The following IGSF11 variants were observed in gnomAD, a reference collection of about 807,000 sequenced individuals.
The protein encoded by IGSF11 is immunoglobulin superfamily member 11.
In IGSF11, 22 loss-of-function variants were observed where a neutral mutation model predicts 41.0. That is an observed-to-expected ratio of 0.54 (90% CI 0.38 to 0.77). The LOEUF (loss-of-function observed/expected upper bound fraction) is 0.77, where lower values mean the gene tolerates loss of function less well. Among genes scored for constraint, IGSF11 ranks in the 30% least tolerant of loss-of-function variants. The probability of loss-of-function intolerance (pLI) is 0.00; values close to 1 mark genes in which losing one functional copy is unlikely to be tolerated. For missense variants in IGSF11, 444 were observed against 530.8 expected, an observed-to-expected ratio of 0.84 and a Z score of 1.61; for synonymous variants, 219 against 201.3, an observed-to-expected ratio of 1.09 and a Z score of -0.74.
intron 1 of IGSF11, among the ~76,000 whole-genome samples, chr3:119,092,965 G>A (rs1268891569): frequency 2.0e-5 from 3 of 152,134 alleles, no homozygotes; most frequent in Non-Finnish European, 4.4e-5. Flanking sequence ...ATATGGCCTA[G>A]GTGTATGGTA....
At chr3:118,935,246 T>C (rs569949969) in intron 1 of IGSF11, among the ~76,000 whole-genome samples, 1 of 144,886 alleles carries the variant, frequency 6.9e-6, no homozygotes, top group African/African-American at 2.5e-5. Context: ...CATATATATA[T>C]GTATATATAT....
At chr3:119,055,466 A>G (rs1328157900) in intron 1 of IGSF11, among the ~76,000 whole-genome samples, 1 of 152,236 alleles carries the variant, frequency 6.6e-6, no homozygotes, top group East Asian at 1.9e-4. Context: ...CCAGATTCAT[A>G]AAGCAAGTCC....
chr3:119,038,900 T>C (rs1262159602), upstream of IGSF11, among the ~76,000 whole-genome samples: 1 of 152,210 alleles, frequency 6.6e-6, no homozygotes, highest in Non-Finnish European at 1.5e-5. Context: ...GAGACCTTGA[T>C]TTATTAAAAA....
intron 1 of IGSF11, among the ~76,000 whole-genome samples, chr3:119,030,920 A>G (rs1468584729): frequency 6.6e-6 from 1 of 152,202 alleles, no homozygotes; most frequent in African/African-American, 2.4e-5. Context: ...AAAAATTGTC[A>G]TTAGTCTAGA....
intron 1 of IGSF11, among the ~76,000 whole-genome samples, chr3:119,084,215 G>A (rs1239498179): frequency 6.6e-6 from 1 of 152,068 alleles, no homozygotes. Context: ...TCTTTGGAGA[G>A]AACACACCAA....
chr3:119,033,500 CA>C (rs1940614183), intron 1 of IGSF11, among the ~76,000 whole-genome samples: 1 of 152,156 alleles, frequency 6.6e-6, no homozygotes, highest in African/African-American at 2.4e-5. Flanking sequence ...AGAAGACATA[CA>C]AAAAGTTTTC....
At chr3:119,091,515 C>T (rs2573199) in intron 1 of IGSF11, among the ~76,000 whole-genome samples, 63,792 of 151,966 alleles carry the variant, frequency 0.42, 14,264 homozygotes, top group Non-Finnish European at 0.51. Flanking sequence ...CATGGAATAC[C>T]ACACAGCCAT....
upstream of IGSF11, chr3:119,034,877 C>T: frequency 1.7e-6 from 2 of 1,165,608 alleles, no homozygotes; most frequent in South Asian, 4.4e-5. Context: ...CGGGGAGCCA[C>T]TCCCCCCAAC....
chr3:119,009,551 C>T (rs777858594), intron 1 of IGSF11, among the ~76,000 whole-genome samples: 9 of 152,202 alleles, frequency 5.9e-5, no homozygotes, highest in Non-Finnish European at 1.2e-4. Context: ...TTTTCCCTCA[C>T]CTTCCACCAT....
At chr3:119,123,767 C>CA (rs562917813) in intron 1 of IGSF11, among the ~76,000 whole-genome samples, 91 of 152,314 alleles carry the variant, frequency 6.0e-4, no homozygotes, top group African/African-American at 1.9e-3. Context: ...GCCAAGGTAG[C>CA]ACCTCGATGA....
At chr3:118,941,231 A>C (rs1469003898) in intron 1 of IGSF11, among the ~76,000 whole-genome samples, 1 of 152,138 alleles carries the variant, frequency 6.6e-6, no homozygotes, top group Non-Finnish European at 1.5e-5. Flanking sequence ...AAATATTTTC[A>C]AAACACAAGT....
At chr3:119,099,322 A>C (rs1467813970) in intron 1 of IGSF11, among the ~76,000 whole-genome samples, 2 of 152,212 alleles carry the variant, frequency 1.3e-5, no homozygotes, top group Non-Finnish European at 2.9e-5. Flanking sequence ...TTAGTGTAGT[A>C]TATCAAAATG....
chr3:118,950,402 T>C (rs896442394), intron 1 of IGSF11, among the ~76,000 whole-genome samples: 2 of 152,166 alleles, frequency 1.3e-5, no homozygotes, highest in Non-Finnish European at 2.9e-5. Flanking sequence ...ATTCTAGTGA[T>C]AGCAAATGTT....
chr3:118,954,394 T>G (rs551319211), intron 1 of IGSF11, among the ~76,000 whole-genome samples: 2 of 152,222 alleles, frequency 1.3e-5, no homozygotes, highest in Non-Finnish European at 1.5e-5. Context: ...AAGGCTTTTT[T>G]GGGGGGTTCC....
At chr3:118,927,990 G>C (rs550035187) in intron 3 of IGSF11, among the ~76,000 whole-genome samples, 1 of 152,080 alleles carries the variant, frequency 6.6e-6, no homozygotes, top group Non-Finnish European at 1.5e-5. Flanking sequence ...TCAGTATTAA[G>C]GTGATAATAT....
At chr3:118,939,758 G>T (rs1317654966) in intron 1 of IGSF11, among the ~76,000 whole-genome samples, 1 of 152,088 alleles carries the variant, frequency 6.6e-6, no homozygotes, top group Non-Finnish European at 1.5e-5. Context: ...TAGAAAAGAA[G>T]AAAGGTTTAT....
At chr3:118,916,752 T>A (rs1218170957) in intron 4 of IGSF11, among the ~76,000 whole-genome samples, 7 of 151,942 alleles carry the variant, frequency 4.6e-5, no homozygotes, top group South Asian at 2.1e-4. Flanking sequence ...CTGCACCAAG[T>A]GGACCGAATA....
intron 1 of IGSF11, among the ~76,000 whole-genome samples, chr3:119,125,904 C>T (rs939215970): frequency 2.0e-5 from 3 of 152,226 alleles, no homozygotes; most frequent in African/African-American, 7.2e-5. Context: ...ACCCACAGAT[C>T]AGAAGACCCC....
At chr3:118,997,062 G>A (rs750028680) in intron 1 of IGSF11, among the ~76,000 whole-genome samples, 6 of 151,642 alleles carry the variant, frequency 4.0e-5, no homozygotes, top group Admixed American at 3.9e-4. Flanking sequence ...GATGTGCAAG[G>A]GGTGACCCTA....
Sources: allele counts gnomAD v4.1 joint callset (sites outside exome capture counted in the v4.1 genomes callset), GRCh38; gene constraint gnomAD v4.1.1; transcripts MANE v1.5; gene names NCBI Gene and HGNC (gene_info 2026-07-23, HGNC 2026-07-21).